Variants in MCM9 observed in about 807,000 individuals in gnomAD.
MCM9 encodes DNA helicase MCM9.
In MCM9, 55 loss-of-function variants were observed where a neutral mutation model predicts 72.8. The observed-to-expected ratio is 0.76, with a 90% CI of 0.61 to 0.95. The LOEUF (loss-of-function observed/expected upper bound fraction) is 0.95, where lower values mean the gene tolerates loss of function less well. MCM9 is among the 40% of genes least tolerant of loss of function. The probability of loss-of-function intolerance (pLI) is 0.00; values close to 1 mark genes in which losing one functional copy is unlikely to be tolerated. For synonymous variants in MCM9, 480 were observed against 503.4 expected (o/e 0.95, Z 0.62); for missense variants, 1,279 against 1,377.0 (o/e 0.93, Z 1.13).
intron 5 of MCM9, chr6:118,918,042 G>C: frequency 2.3e-6 from 1 of 427,146 alleles, no homozygotes; most frequent in Non-Finnish European, 4.2e-6. Context: ...TTTTCACTGG[G>C]AAAATAGTTT....
At chr6:118,845,525 A>T (rs955877011) in intron 9 of MCM9, among the ~76,000 whole-genome samples, 2 of 151,794 alleles carry the variant, frequency 1.3e-5, no homozygotes, top group Non-Finnish European at 2.9e-5. Flanking sequence ...TTTTAAAAAA[A>T]TTTTTTTGTT....
At chr6:118,852,091 G>A (rs1776264613) in intron 9 of MCM9, among the ~76,000 whole-genome samples, 1 of 152,152 alleles carries the variant, frequency 6.6e-6, no homozygotes, top group Admixed American at 6.6e-5. Context: ...ATTGCTCCGA[G>A]GCTACAAGCC....
intron 12 of MCM9, 109 bp downstream of exon 12, chr6:118,826,673 C>G: frequency 1.3e-6 from 1 of 775,996 alleles, no homozygotes; most frequent in Non-Finnish European, 2.1e-6. Flanking sequence ...ATTACTAAGT[C>G]TAGAATATGA....
intron 9 of MCM9, among the ~76,000 whole-genome samples, chr6:118,855,795 C>G (rs568926872): frequency 1.3e-5 from 2 of 152,162 alleles, no homozygotes; most frequent in Non-Finnish European, 2.9e-5. Context: ...CATTTCAGTG[C>G]CTGTGTGAGA....
Position 118,816,000 on chromosome 6 carries a change from C to T in MCM9, c.2256G>A (p.Gln752=), listed in dbSNP as rs752076766. Residue 752 remains glutamine (Q), a synonymous_variant, in exon 14 of 14, where the codon CAG becomes CAA. Coordinates refer to ENST00000619706, the MANE Select transcript of MCM9 (RefSeq NM_017696.3). ...CAACAACAGTGTTTTTAGGTTCACTCTGATGAGTTGCCATGAAATCAAACC... is the reference window on the plus strand; with the variant it reads ...CAACAACAGTGTTTTTAGGTTCACTTTGATGAGTTGCCATGAAATCAAACC... The part of the protein sequence containing the change: ...LDWFDFMATH[Q]SEPKNTVVVS... 7 of 1,550,544 alleles carry T rather than the reference C, an allele frequency of 4.5e-6. No homozygotes were observed. In the South Asian group the frequency reaches 7.1e-5, roughly 16 times the overall value.
chr6:118,922,188 A>G, intron 4 of MCM9, 102 bp from the exon 5 acceptor site: 1 of 807,326 alleles, frequency 1.2e-6, no homozygotes, highest in South Asian at 2.3e-5. Context: ...TCTCTGGTAT[A>G]TCATACGATT....
At chr6:118,833,563 A>G (rs1774739713) in intron 9 of MCM9, among the ~76,000 whole-genome samples, 2 of 152,202 alleles carry the variant, frequency 1.3e-5, no homozygotes, top group African/African-American at 4.8e-5. Flanking sequence ...GATAAGGAAA[A>G]CGCGGTCTAT....
chr6:118,815,809 T>A lies in MCM9; in HGVS notation c.2447A>T (p.Glu816Val), dbSNP rs1190962146. Residue 816 changes from glutamate to valine, a missense_variant, in exon 14 of 14, where the codon GAA becomes GTA. Coordinates refer to ENST00000619706, the MANE Select transcript of MCM9 (RefSeq NM_017696.3). ...TGVPWRADNV[E>V]SNKKKRLALD... ...TGCTAGCCTTTTTTTCTTGTTACTT[T>A]CCACATTGTCTGCCCTCCATGGAAC... is the stretch of plus-strand genomic sequence containing the variant. 1.3e-6 allele frequency: 2 copies of A among 1,539,024 alleles called. No individual in the cohort carries two copies. The highest frequency in any genetic ancestry group is 1.7e-6 in the Non-Finnish European group (2 of 1,147,038).
chr6:118,894,070 C>G (rs1779165535), intron 8 of MCM9: 2 of 1,083,612 alleles, frequency 1.8e-6, no homozygotes, highest in Non-Finnish European at 2.2e-6. Context: ...CAGGTGGAGC[C>G]GCAGTTAAAG....
chr6:118,923,580 ATAAT>A (rs1295962484), intron 4 of MCM9, among the ~76,000 whole-genome samples: 1 of 152,222 alleles, frequency 6.6e-6, no homozygotes, highest in Non-Finnish European at 1.5e-5. Context: ...TAATTTTAAT[ATAAT>A]TAAGTCATTT....
Position 118,842,224 on chromosome 6 carries a change from G to A in MCM9, c.1326-12974C>T, listed in dbSNP as rs138120563. On this transcript the variant is annotated intron_variant, in intron 9 of 13. Transcript: ENST00000619706. ...ATTACATATATCATAGAAATGTTAA[G>A]TTTTCTCCTAAAATGTGTCTTCAAC... Among the ~76,000 whole-genome samples the A allele has an allele frequency of 1.8e-3, 278 of 152,280 alleles. 1 individual carries two copies. Among genetic ancestry groups the A allele is most frequent in the South Asian group, 0.01 (50 of 4,824 alleles).
At chr6:118,896,880 CTGGA>C (rs1779455620) in intron 8 of MCM9, among the ~76,000 whole-genome samples, 2 of 151,780 alleles carry the variant, frequency 1.3e-5, no homozygotes, top group Middle Eastern at 3.4e-3. Context: ...GGCACTCAGG[CTGGA>C]TGGAGTACAG....
chr6:118,864,209 C>T (rs1777077921), intron 8 of MCM9, among the ~76,000 whole-genome samples: 1 of 151,994 alleles, frequency 6.6e-6, no homozygotes, highest in African/African-American at 2.4e-5. Flanking sequence ...TCCCTCACCC[C>T]ACTCCCACCA....
chr6:118,816,807 G>A (rs1284645077), intron 13 of MCM9, among the ~76,000 whole-genome samples: 1 of 152,036 alleles, frequency 6.6e-6, no homozygotes, highest in African/African-American at 2.4e-5. Context: ...TTGAGGTACT[G>A]AGTGCATCTG....
Position 118,856,528 on chromosome 6 carries a change from C to T in MCM9, c.1168G>A (p.Val390Ile). 1.3e-6 allele frequency: 2 copies of T among 1,535,648 alleles called. No individual in the cohort carries two copies. The highest frequency in any genetic ancestry group is 1.7e-6 in the Non-Finnish European group (2 of 1,146,894). ...STSAGLTVTAVKDSGEWNLEA... is the reference protein window; with the variant it reads ...STSAGLTVTAIKDSGEWNLEA... ...AAATTCCATTCTCCTGAGTCTTTTA[C>T]AGCAGTTACCGTCAGACCTGAGGAA... is the stretch of plus-strand genomic sequence containing the variant. The change falls in exon 9 of 14, where the codon GTA becomes ATA. Residue 390 changes from valine to isoleucine, a missense_variant. Val to Ile is a conservative substitution (Grantham distance 29). Transcript: ENST00000619706.
intron 13 of MCM9, among the ~76,000 whole-genome samples, chr6:118,818,232 G>C (rs552572386): frequency 6.6e-6 from 1 of 152,228 alleles, no homozygotes; most frequent in Admixed American, 6.5e-5. Flanking sequence ...GTACTGCCTA[G>C]GTTTTCTTCT....
Position 118,873,549 on chromosome 6 carries a change from T to C in MCM9, c.1151-17004A>G, listed in dbSNP as rs139450709. On this transcript the variant is annotated intron_variant, in intron 8 of 13. Transcript: ENST00000619706. ...TAACCTGGATGAAATGGACCAATTC[T>C]TAAAAAATGCAATCTGCCAAAACTT... 1.6e-3 allele frequency among the ~76,000 whole-genome samples: 240 copies of C among 152,258 alleles called. 1 individual carries two copies. Among genetic ancestry groups the C allele is most frequent in the Non-Finnish European group, 2.5e-3 (171 of 68,020 alleles).
At chr6:118,931,287 G>A in intron 3 of MCM9, 133 bp downstream of exon 3, 1 of 758,682 alleles carries the variant, frequency 1.3e-6, no homozygotes, top group South Asian at 2.0e-5. Context: ...TCTAAAAGAA[G>A]TGACCATCAA....
At chr6:118,877,566 GC>G (rs776859877) in intron 8 of MCM9, among the ~76,000 whole-genome samples, 6 of 152,166 alleles carry the variant, frequency 3.9e-5, no homozygotes, top group Non-Finnish European at 7.3e-5. Flanking sequence ...AGGTTGTGAG[GC>G]AAAGTCAACT....
Sources: allele counts gnomAD v4.1 joint callset (sites outside exome capture counted in the v4.1 genomes callset), GRCh38; gene constraint gnomAD v4.1.1; transcripts MANE v1.5; gene names NCBI Gene and HGNC (gene_info 2026-07-23, HGNC 2026-07-21).